The following AMPH variants were observed in gnomAD, a reference collection of about 807,000 sequenced individuals.
AMPH encodes amphiphysin (Stiff-Mann syndrome with breast cancer 128kD autoantigen).
In AMPH, 49 loss-of-function variants were observed where a neutral mutation model predicts 99.1. The observed-to-expected ratio is 0.49, with a 90% CI of 0.39 to 0.63. AMPH has a LOEUF of 0.63. AMPH is among the 20% of genes least tolerant of loss of function. The pLI is 0.00. For missense variants in AMPH, 759 were observed against 863.4 expected (o/e 0.88, Z 1.52); for synonymous variants, 314 against 317.3 (o/e 0.99, Z 0.11).
intron 4 of AMPH, among the ~76,000 whole-genome samples, chr7:38,493,430 C>T (rs1474978598): frequency 6.6e-6 from 1 of 152,092 alleles, no homozygotes; most frequent in Non-Finnish European, 1.5e-5. Flanking sequence ...CACACAAAGG[C>T]AATAAGTGTC....
chr7:38,569,618 A>AT (rs1562833357), intron 1 of AMPH, among the ~76,000 whole-genome samples: 39 of 152,084 alleles, frequency 2.6e-4, no homozygotes, highest in African/African-American at 8.4e-4. Context: ...TATATATATA[A>AT]AATGAAAACA....
chr7:38,395,244 A>C (rs1170681850), intron 17 of AMPH, among the ~76,000 whole-genome samples: 2 of 152,124 alleles, frequency 1.3e-5, no homozygotes, highest in Admixed American at 1.3e-4. Context: ...TACATAAGGA[A>C]GCTTTCTCAA....
intron 1 of AMPH, among the ~76,000 whole-genome samples, chr7:38,568,209 T>G (rs977485767): frequency 2.0e-5 from 3 of 152,200 alleles, no homozygotes; most frequent in African/African-American, 7.2e-5. Flanking sequence ...CTTCCTAATA[T>G]GTAAAGAATC....
intron 2 of AMPH, 106 bp from the exon 3 acceptor site, chr7:38,503,810 GA>G: frequency 9.1e-7 from 1 of 1,096,142 alleles, no homozygotes; most frequent in South Asian, 1.3e-5. Context: ...CTCATTCTTG[GA>G]AAAAAACATA....
intron 1 of AMPH, among the ~76,000 whole-genome samples, chr7:38,574,514 G>A (rs1160428400): frequency 6.6e-6 from 1 of 152,222 alleles, no homozygotes; most frequent in African/African-American, 2.4e-5. Flanking sequence ...GCTGAAATGA[G>A]ATTTGCAATT....
chr7:38,505,326 G>T (rs1789282842), intron 2 of AMPH, among the ~76,000 whole-genome samples: 1 of 152,156 alleles, frequency 6.6e-6, no homozygotes, highest in South Asian at 2.1e-4. Flanking sequence ...ACTCAGGTGA[G>T]GTATTCTGTA....
At chr7:38,446,335 A>G (rs967964689) in intron 11 of AMPH, among the ~76,000 whole-genome samples, 20 of 152,364 alleles carry the variant, frequency 1.3e-4, no homozygotes, top group African/African-American at 4.8e-4. Context: ...AAATGAAAGC[A>G]TGCATGCACA....
chr7:38,625,878 G>T (rs1396648820), intron 1 of AMPH, among the ~76,000 whole-genome samples: 3 of 152,134 alleles, frequency 2.0e-5, no homozygotes, highest in African/African-American at 7.2e-5. Flanking sequence ...AACTCATGAA[G>T]CTGAACACTT....
rs753719348 is a variant in AMPH at position 38,627,269 on chromosome 7, C to T, written c.69+4014G>A. 4.0e-5 allele frequency among the ~76,000 whole-genome samples: 6 copies of T among 151,740 alleles called. No homozygotes were observed. The East Asian group carries it at 7.7e-4, about 20-fold the overall frequency. On this transcript the variant is annotated intron_variant, in intron 1 of 20. Coordinates refer to ENST00000356264, the MANE Select transcript of AMPH (RefSeq NM_001635.4). ...TGTAAAAATGCTGAAGGAGGCCGGG[C>T]GCGGTGGCTCGCACCTATAATCCCA...
intron 1 of AMPH, among the ~76,000 whole-genome samples, chr7:38,554,022 G>A (rs948693543): frequency 5.3e-5 from 8 of 152,126 alleles, no homozygotes; most frequent in African/African-American, 1.7e-4. Flanking sequence ...TTAGTGACCC[G>A]CAGCCCCAGC....
chr7:38,522,284 T>C (rs534201849), intron 2 of AMPH, among the ~76,000 whole-genome samples: 3 of 152,370 alleles, frequency 2.0e-5, no homozygotes, highest in African/African-American at 7.2e-5. Flanking sequence ...ATAATGCTTA[T>C]CCTTTAGTAC....
chr7:38,438,631 A>C (rs993378788), intron 11 of AMPH, among the ~76,000 whole-genome samples: 3 of 152,148 alleles, frequency 2.0e-5, no homozygotes, highest in Non-Finnish European at 2.9e-5. Flanking sequence ...GAGATGAAGG[A>C]TGAAATGAGG....
intron 1 of AMPH, among the ~76,000 whole-genome samples, chr7:38,623,745 A>T (rs1794147842): frequency 6.6e-6 from 1 of 152,200 alleles, no homozygotes; most frequent in South Asian, 2.1e-4. Flanking sequence ...CTTTTTATAC[A>T]TGCACACCAT....
chr7:38,390,455 A>T (rs1344295484), intron 19 of AMPH, among the ~76,000 whole-genome samples: 1 of 152,218 alleles, frequency 6.6e-6, no homozygotes, highest in African/African-American at 2.4e-5. Flanking sequence ...AAAATATTTT[A>T]AAGCAGAAGA....
At chr7:38,525,305 GAGAGA>G (rs1790137986) in intron 2 of AMPH, among the ~76,000 whole-genome samples, 2 of 140,954 alleles carry the variant, frequency 1.4e-5, no homozygotes, top group African/African-American at 5.2e-5. Context: ...GAGAGAGAGA[GAGAGA>G]GAGGGAGCCT....
intron 1 of AMPH, among the ~76,000 whole-genome samples, chr7:38,540,057 T>C (rs1167538829): frequency 6.6e-6 from 1 of 152,216 alleles, no homozygotes. Flanking sequence ...CTGAACAGTG[T>C]GGCACTATTG....
At chr7:38,485,263 C>T (rs1283075402) in intron 5 of AMPH, among the ~76,000 whole-genome samples, 3 of 151,828 alleles carry the variant, frequency 2.0e-5, no homozygotes, top group South Asian at 4.1e-4. Context: ...ACACACTTGG[C>T]TGAAAATAAA....
intron 5 of AMPH, among the ~76,000 whole-genome samples, chr7:38,486,758 C>T (rs919807463): frequency 1.3e-5 from 2 of 151,972 alleles, no homozygotes; most frequent in African/African-American, 4.8e-5. Flanking sequence ...TCCTGGGATG[C>T]AAGAATGGTT....
At chr7:38,554,336 T>C (rs561321016) in intron 1 of AMPH, among the ~76,000 whole-genome samples, 1 of 152,360 alleles carries the variant, frequency 6.6e-6, no homozygotes, top group South Asian at 2.1e-4. Flanking sequence ...TTCACAATCA[T>C]GTTCTATAGA....
Sources: allele counts gnomAD v4.1 joint callset (sites outside exome capture counted in the v4.1 genomes callset), GRCh38; gene constraint gnomAD v4.1.1; transcripts MANE v1.5; gene names NCBI Gene and HGNC (gene_info 2026-07-23, HGNC 2026-07-21).